GRIP2: variants seen among roughly 807,000 people sequenced by gnomAD.
The protein encoded by GRIP2 is glutamate receptor-interacting protein 2.
In GRIP2, 58 loss-of-function variants were observed where a neutral mutation model predicts 108.3. The observed-to-expected ratio is 0.54, with a 90% CI of 0.43 to 0.67. The LOEUF (loss-of-function observed/expected upper bound fraction) is 0.67. Among genes scored for constraint, GRIP2 ranks in the 30% least tolerant of loss-of-function variants. GRIP2 has a pLI of 0.00. For synonymous variants in GRIP2, 586 were observed against 598.2 expected, an observed-to-expected ratio of 0.98 and a Z score of 0.30; for missense variants, 1,278 against 1,430.6, an observed-to-expected ratio of 0.89 and a Z score of 1.72.
At chr3:14,513,834 G>A in intron 12 of GRIP2, 24 bp from the exon 13 acceptor site, 2 of 1,609,010 alleles carry the variant, frequency 1.2e-6, no homozygotes, top group Non-Finnish European at 1.7e-6. Context: ...GCCCGGCAGA[G>A]AGAAGAGGCT....
In GRIP2 at chr3:14,523,016, C is replaced by T. The variant is rs1158075560; in HGVS notation, c.550G>A (p.Gly184Ser). The T allele has an allele frequency of 3.7e-6, 6 of 1,613,542 alleles. No individual in the cohort carries two copies. The highest frequency in any genetic ancestry group is 2.7e-5 in the African/African-American group (2 of 74,936). Residue 184 changes from glycine (G) to serine (S), a missense_variant, in exon 6 of 24, where the codon GGT becomes AGT. Physicochemically the swap from Gly to Ser is moderately conservative, Grantham distance 56. Coordinates refer to ENST00000621039, the MANE Select transcript of GRIP2 (RefSeq NM_001080423.4). ...TCGGCTCACCTGTCGGCAGGGCCAC[C>T]GGGCCGCACGTAGGTCAGGACAAGC... Reference protein sequence around the residue: ...RPLVLTYVRPGGPADREGSLK... With the variant: ...RPLVLTYVRPSGPADREGSLK...
At chr3:14,595,097 T>C in the GRIP2 span, among the ~76,000 whole-genome samples, 1 of 151,782 alleles carries the variant, frequency 6.6e-6, no homozygotes, top group African/African-American at 2.4e-5. Context: ...GGTGTCTCAC[T>C]ATGTTGCCCA....
intron 1 of GRIP2, among the ~76,000 whole-genome samples, chr3:14,530,332 C>G (rs1169273763): frequency 6.6e-6 from 1 of 152,206 alleles, no homozygotes; most frequent in African/African-American, 2.4e-5. Context: ...AACATCCCCC[C>G]ATTCCTGCTG....
chr3:14,543,810 G>A (rs1695016788), upstream of GRIP2, among the ~76,000 whole-genome samples: 1 of 152,218 alleles, frequency 6.6e-6, no homozygotes, highest in Non-Finnish European at 1.5e-5. Flanking sequence ...GGTCAGGAGG[G>A]GCCCTGACAC....
At chr3:14,531,849 C>A (rs1163103596) in intron 1 of GRIP2, among the ~76,000 whole-genome samples, 1 of 152,172 alleles carries the variant, frequency 6.6e-6, no homozygotes, top group Non-Finnish European at 1.5e-5. Context: ...TGGGCTGACA[C>A]GGGCAAGAAC....
the GRIP2 span, among the ~76,000 whole-genome samples, chr3:14,588,918 G>A: frequency 8.5e-5 from 13 of 152,224 alleles, no homozygotes; most frequent in Admixed American, 2.0e-4. Flanking sequence ...CTCATGGCGG[G>A]CCCCTCACAC....
the GRIP2 span, among the ~76,000 whole-genome samples, chr3:14,601,703 C>A: frequency 3.4e-4 from 52 of 152,170 alleles, 1 homozygote; most frequent in Non-Finnish European, 1.0e-4. Context: ...CCTACTTGGC[C>A]CTGGGACAGG....
At chr3:14,510,461 C>T (rs1342249385) in intron 16 of GRIP2, among the ~76,000 whole-genome samples, 7 of 151,880 alleles carry the variant, frequency 4.6e-5, no homozygotes, top group South Asian at 4.2e-4. Flanking sequence ...GATGGGGTTT[C>T]GCCATGTTGC....
chr3:14,576,993 A>G, the GRIP2 span, among the ~76,000 whole-genome samples: 1 of 152,206 alleles, frequency 6.6e-6, no homozygotes, highest in Non-Finnish European at 1.5e-5. Context: ...TGAGGATTTG[A>G]TTCATCAACA....
At chr3:14,555,201 G>A (rs1243141651) in intron 1 of GRIP2, among the ~76,000 whole-genome samples, 3 of 152,070 alleles carry the variant, frequency 2.0e-5, no homozygotes, top group Admixed American at 6.5e-5. Flanking sequence ...GTCTTGCCCA[G>A]AGCCAGGCAG....
chr3:14,503,687 CAG>C lies in GRIP2; in HGVS notation c.2574-18_2574-17del. ...AGGGGCTGGGCTGTAACGTAGGAAC[CAG>C]AGAGCGTCAACTCCTGGCAGGCGGG... On this transcript the variant is annotated splice_polypyrimidine_tract_variant and intron_variant, in intron 20 of 23. Coordinates refer to ENST00000621039, the MANE Select transcript of GRIP2 (RefSeq NM_001080423.4). 8.2e-7 allele frequency: 1 copy of C among 1,219,540 alleles called. No homozygotes were observed. Among genetic ancestry groups the C allele is most frequent in the Non-Finnish European group, 1.1e-6 (1 of 881,638 alleles). 75.5% of individuals were successfully genotyped at this position (1,219,540 alleles called of 1,614,324 possible).
chr3:14,510,271 T>G (rs1694049275), intron 16 of GRIP2, among the ~76,000 whole-genome samples: 1 of 150,210 alleles, frequency 6.7e-6, no homozygotes, highest in East Asian at 1.9e-4. Flanking sequence ...TTTTTTTTTT[T>G]TTTTTTTTTG....
At chr3:14,587,391 T>C in the GRIP2 span, among the ~76,000 whole-genome samples, 1 of 152,124 alleles carries the variant, frequency 6.6e-6, no homozygotes, top group African/African-American at 2.4e-5. Context: ...TTTTCTCTTT[T>C]AGGCTGAGGT....
At chr3:14,531,985 C>T (rs1694721041) in intron 1 of GRIP2, among the ~76,000 whole-genome samples, 1 of 152,096 alleles carries the variant, frequency 6.6e-6, no homozygotes, top group African/African-American at 2.4e-5. Flanking sequence ...CATGCCCCCG[C>T]CTGCCCTTGA....
Position 14,512,747 on chromosome 3 carries a change from A to G in GRIP2, c.1720+30T>C, listed in dbSNP as rs371149534. On this transcript the variant is annotated intron_variant, in intron 14 of 23. Transcript: ENST00000621039. This position sits in a 1 kb window ranked among gnomAD's most constrained non-coding sequence, Gnocchi z 5.1. ...TTCCCCAGCAGTTGAGCTCGCTCCC[A>G]GGGGCAAACAGCAGCGGGAGGAGAC... 2 of 1,602,252 alleles carry G rather than the reference A, an allele frequency of 1.2e-6. No individual in the cohort carries two copies. Among genetic ancestry groups the G allele is most frequent in the African/African-American group, 2.7e-5 (2 of 74,694 alleles).
At chr3:14,579,327 A>G in the GRIP2 span, among the ~76,000 whole-genome samples, 1 of 152,234 alleles carries the variant, frequency 6.6e-6, no homozygotes, top group Non-Finnish European at 1.5e-5. Context: ...TGGTGGCTAC[A>G]TAAAAATGTA....
chr3:14,538,625 G>A (rs1282807911), intron 1 of GRIP2, among the ~76,000 whole-genome samples: 2 of 152,242 alleles, frequency 1.3e-5, no homozygotes, highest in Non-Finnish European at 2.9e-5. Context: ...TGAAGCAAGT[G>A]TGATCATGAG....
the GRIP2 span, among the ~76,000 whole-genome samples, chr3:14,562,112 G>A: frequency 9.8e-5 from 15 of 152,336 alleles, no homozygotes; most frequent in Middle Eastern, 3.4e-3. Context: ...GAGGAGTACC[G>A]GAGTACAGAA....
intron 1 of GRIP2, among the ~76,000 whole-genome samples, chr3:14,536,700 C>A (rs746489712): frequency 1.3e-5 from 2 of 152,188 alleles, no homozygotes; most frequent in Non-Finnish European, 2.9e-5. Flanking sequence ...TGGCCTTCTG[C>A]GTTCTGGGTC....
Sources: allele counts gnomAD v4.1 joint callset (sites outside exome capture counted in the v4.1 genomes callset), GRCh38; gene constraint gnomAD v4.1.1; non-coding constraint Gnocchi (gnomAD v3.1); transcripts MANE v1.5; gene names NCBI Gene and HGNC (gene_info 2026-07-23, HGNC 2026-07-21).